CCSER1: variants seen among roughly 807,000 people sequenced by gnomAD.
The protein encoded by CCSER1 is coiled-coil serine rich protein 1, also known as serine-rich coiled-coil domain-containing protein 1.
Under a neutral mutation model 82.0 loss-of-function variants are expected in CCSER1, and 41 were observed. The observed-to-expected ratio is 0.50, with a 90% CI of 0.39 to 0.65. The LOEUF is 0.65. CCSER1 is among the 30% of genes least tolerant of loss of function. The pLI, the probability that CCSER1 is intolerant of heterozygous loss-of-function variation, is 0.00. For missense variants in CCSER1, 1,119 were observed against 1,064.2 expected (o/e 1.05, Z -0.72); for synonymous variants, 414 against 383.9 (o/e 1.08, Z -0.92).
chr4:90,227,699 C>A (rs952649978), intron 1 of CCSER1, among the ~76,000 whole-genome samples: 3 of 152,176 alleles, frequency 2.0e-5, no homozygotes, highest in Non-Finnish European at 2.9e-5. Flanking sequence ...TCTGCATTTT[C>A]GTCTGAGGTA....
chr4:91,299,958 C>A (rs1744538646), intron 10 of CCSER1, among the ~76,000 whole-genome samples: 1 of 151,792 alleles, frequency 6.6e-6, no homozygotes, highest in South Asian at 2.1e-4. Flanking sequence ...AAAAGAGAAA[C>A]ACACACAAAA....
intron 3 of CCSER1, among the ~76,000 whole-genome samples, chr4:90,333,017 T>C (rs1015226626): frequency 6.6e-6 from 1 of 152,328 alleles, no homozygotes; most frequent in African/African-American, 2.4e-5. Flanking sequence ...CTAACACTCA[T>C]GACAGTTATT....
chr4:90,869,377 A>G (rs140932187), intron 8 of CCSER1, among the ~76,000 whole-genome samples: 1 of 152,158 alleles, frequency 6.6e-6, no homozygotes, highest in African/African-American at 2.4e-5. Context: ...TGATTTTTGC[A>G]TATGGGTAGC....
intron 5 of CCSER1, among the ~76,000 whole-genome samples, chr4:90,499,977 A>G (rs892111501): frequency 7.2e-5 from 11 of 152,206 alleles, no homozygotes; most frequent in Admixed American, 2.0e-4. Context: ...GCAATTTTAT[A>G]CACTACATAA....
At chr4:90,695,463 C>T (rs1736833675) in intron 6 of CCSER1, among the ~76,000 whole-genome samples, 1 of 151,798 alleles carries the variant, frequency 6.6e-6, no homozygotes, top group Non-Finnish European at 1.5e-5. Flanking sequence ...TCTTAAAAGC[C>T]CTCATTATTA....
At chr4:91,532,220 T>C (rs80230044) in intron 10 of CCSER1, among the ~76,000 whole-genome samples, 10,609 of 152,250 alleles carry the variant, frequency 0.07, 550 homozygotes, top group South Asian at 0.16. Flanking sequence ...CCTGTATTGG[T>C]AGATTATAAA....
chr4:90,952,116 A>G (rs1261850362), intron 9 of CCSER1, among the ~76,000 whole-genome samples: 1 of 152,168 alleles, frequency 6.6e-6, no homozygotes, highest in Non-Finnish European at 1.5e-5. Context: ...ATACATCAAC[A>G]GAGACAATTA....
chr4:90,596,532 T>C (rs912605329), intron 5 of CCSER1, among the ~76,000 whole-genome samples: 1 of 151,920 alleles, frequency 6.6e-6, no homozygotes, highest in African/African-American at 2.4e-5. Flanking sequence ...CTTGATTTTT[T>C]TCTAGGACAA....
intron 1 of CCSER1, among the ~76,000 whole-genome samples, chr4:90,228,659 G>A (rs1252756702): frequency 1.3e-5 from 2 of 152,180 alleles, no homozygotes; most frequent in East Asian, 1.9e-4. Context: ...GGCTTCAGAT[G>A]ATCAAATTAC....
Position 91,469,746 on chromosome 4 carries a change from T to A in CCSER1, c.2218-128826T>A, listed in dbSNP as rs565326375. On this transcript the variant is annotated intron_variant, in intron 10 of 10. Transcript: ENST00000509176. Reference sequence around the variant, plus strand: ...AAACAATTCTACATTGGATCTATGATACTTATTAATAAGTGTCTAGAAATC... The same window carrying A: ...AAACAATTCTACATTGGATCTATGAAACTTATTAATAAGTGTCTAGAAATC... Among the ~76,000 whole-genome samples the A allele has an allele frequency of 9.8e-5, 15 of 152,364 alleles. 1 individual carries two copies. Among genetic ancestry groups the A allele is most frequent in the Non-Finnish European group, 1.6e-4 (11 of 68,034 alleles).
intron 8 of CCSER1, among the ~76,000 whole-genome samples, chr4:90,849,678 A>C (rs1259788036): frequency 6.6e-6 from 1 of 151,266 alleles, no homozygotes; most frequent in Non-Finnish European, 1.5e-5. Context: ...AGTCCCAGCT[A>C]CTTGGGAGGC....
chr4:90,153,256 T>TG (rs1194102356), intron 1 of CCSER1, among the ~76,000 whole-genome samples: 4 of 151,862 alleles, frequency 2.6e-5, no homozygotes, highest in Admixed American at 6.6e-5. Context: ...ATGGAGTATA[T>TG]TGCCACATTT....
intron 9 of CCSER1, among the ~76,000 whole-genome samples, chr4:91,067,979 G>A (rs1308212721): frequency 6.6e-6 from 1 of 152,058 alleles, no homozygotes; most frequent in Non-Finnish European, 1.5e-5. Context: ...GGTACATCCT[G>A]GCTAACTTGT....
At chr4:90,641,787 C>T (rs901594831) in intron 6 of CCSER1, among the ~76,000 whole-genome samples, 1 of 152,112 alleles carries the variant, frequency 6.6e-6, no homozygotes, top group African/African-American at 2.4e-5. Flanking sequence ...TATTTGATTG[C>T]TTATAAGAAA....
At chr4:91,075,700 C>A (rs982392098) in intron 9 of CCSER1, among the ~76,000 whole-genome samples, 1 of 151,972 alleles carries the variant, frequency 6.6e-6, no homozygotes, top group Non-Finnish European at 1.5e-5. Flanking sequence ...TATAAAAATG[C>A]AAAGGATTTT....
chr4:90,440,524 A>T (rs368687674), intron 4 of CCSER1, among the ~76,000 whole-genome samples: 1 of 152,222 alleles, frequency 6.6e-6, no homozygotes, highest in African/African-American at 2.4e-5. Context: ...ATCCTTGGCT[A>T]CAAGAATCAA....
intron 8 of CCSER1, among the ~76,000 whole-genome samples, chr4:90,908,389 T>G (rs1212642577): frequency 6.6e-6 from 1 of 152,010 alleles, no homozygotes; most frequent in Non-Finnish European, 1.5e-5. Context: ...AAGAGTTGTG[T>G]TAATATGAGA....
intron 1 of CCSER1, among the ~76,000 whole-genome samples, chr4:90,241,925 A>G (rs1746931629): frequency 6.6e-6 from 1 of 152,238 alleles, no homozygotes; most frequent in African/African-American, 2.4e-5. Context: ...GTATTCTAAG[A>G]ATCTTCTATC....
At chr4:90,845,258 C>A (rs754156620) in intron 8 of CCSER1, among the ~76,000 whole-genome samples, 2 of 149,410 alleles carry the variant, frequency 1.3e-5, no homozygotes, top group Non-Finnish European at 3.0e-5. Flanking sequence ...GCTACTAGGG[C>A]GGCTAAGACA....
Sources: allele counts gnomAD v4.1 joint callset (sites outside exome capture counted in the v4.1 genomes callset), GRCh38; gene constraint gnomAD v4.1.1; transcripts MANE v1.5; gene names NCBI Gene and HGNC (gene_info 2026-07-23, HGNC 2026-07-21).